The following RBFOX1 variants were observed in gnomAD, a reference collection of about 807,000 sequenced individuals.
The protein encoded by RBFOX1 is RNA binding protein fox-1 homolog 1.
A neutral mutation model predicts 57.7 loss-of-function variants in RBFOX1; 8 were observed. The ratio of observed to expected loss-of-function variants is 0.14; its 90% confidence interval spans 0.08 to 0.25. RBFOX1 has a LOEUF of 0.25. Among genes scored for constraint, RBFOX1 ranks in the 10% least tolerant of loss-of-function variants. RBFOX1 has a pLI of 1.00. For synonymous variants in RBFOX1, 326 were observed against 222.4 expected, an observed-to-expected ratio of 1.47 and a Z score of -4.15; for missense variants, 611 against 548.5, an observed-to-expected ratio of 1.11 and a Z score of -1.14.
intron 4 of RBFOX1, among the ~76,000 whole-genome samples, chr16:7,145,280 C>G (rs1345994589): frequency 6.6e-6 from 1 of 152,180 alleles, no homozygotes; most frequent in African/African-American, 2.4e-5. Context: ...TCTCAGTTCA[C>G]TGCAGCCTCA....
chr16:7,391,024 G>C (rs1342610722), intron 4 of RBFOX1, among the ~76,000 whole-genome samples: 2 of 152,096 alleles, frequency 1.3e-5, no homozygotes, highest in Non-Finnish European at 2.9e-5. Context: ...GTGCTTTTTG[G>C]AGGCTCATTG....
At chr16:5,505,651 A>C (rs1381251466) in intron 2 of RBFOX1, among the ~76,000 whole-genome samples, 1 of 152,168 alleles carries the variant, frequency 6.6e-6, no homozygotes, top group East Asian at 1.9e-4. Context: ...GTCTTATCAC[A>C]TACAGAGTAT....
chr16:5,903,989 A>T (rs972298377), intron 4 of RBFOX1, among the ~76,000 whole-genome samples: 2 of 152,160 alleles, frequency 1.3e-5, no homozygotes, highest in African/African-American at 4.8e-5. Context: ...AATATGAGCT[A>T]ATAGAATGGA....
chr16:5,334,943 C>A (rs2064857884), intron 1 of RBFOX1, among the ~76,000 whole-genome samples: 1 of 152,024 alleles, frequency 6.6e-6, no homozygotes, highest in Admixed American at 6.5e-5. Flanking sequence ...GTTTTGTTCG[C>A]TTGTTTAAAT....
At chr16:5,664,382 T>C (rs995973844) in intron 3 of RBFOX1, among the ~76,000 whole-genome samples, 8 of 152,108 alleles carry the variant, frequency 5.3e-5, no homozygotes, top group African/African-American at 1.9e-4. Context: ...ACACTGTCTC[T>C]ACTAAAAATA....
rs531595223 is a variant in RBFOX1 at position 6,027,860 on chromosome 16, C to T, written c.-127+7868C>T. 7.2e-5 allele frequency among the ~76,000 whole-genome samples: 11 copies of T among 152,276 alleles called. No individual in the cohort carries two copies. The East Asian group carries it at 1.4e-3, about 19-fold the overall frequency. On this transcript the variant is annotated intron_variant, in intron 1 of 15. Coordinates refer to ENST00000550418, the MANE Select transcript of RBFOX1 (RefSeq NM_018723.4). ...AGAACCCAGCGTAGCTGCAAATGTACGGTTGAGATCGTTGACAGACTTGAG... is the reference window on the plus strand; with the variant it reads ...AGAACCCAGCGTAGCTGCAAATGTATGGTTGAGATCGTTGACAGACTTGAG...
intron 4 of RBFOX1, among the ~76,000 whole-genome samples, chr16:7,197,585 G>A (rs13333774): frequency 0.41 from 61,841 of 151,678 alleles, 13,029 homozygotes; most frequent in Non-Finnish European, 0.47. Flanking sequence ...TTTATTTGCA[G>A]TAACATTGAA....
chr16:7,143,342 C>G (rs897516503), intron 4 of RBFOX1, among the ~76,000 whole-genome samples: 1 of 152,060 alleles, frequency 6.6e-6, no homozygotes, highest in African/African-American at 2.4e-5. Flanking sequence ...AGGGAGAGGA[C>G]TGAGCCACTG....
At chr16:7,075,578 T>A (rs928905416) in intron 4 of RBFOX1, among the ~76,000 whole-genome samples, 19 of 151,948 alleles carry the variant, frequency 1.3e-4, no homozygotes, top group African/African-American at 4.1e-4. Flanking sequence ...TTCTTTTTTT[T>A]ATTTATTTTT....
At chr16:6,732,060 GATCT>G (rs2068749032) in intron 3 of RBFOX1, among the ~76,000 whole-genome samples, 1 of 152,134 alleles carries the variant, frequency 6.6e-6, no homozygotes, top group South Asian at 2.1e-4. Flanking sequence ...TATGGCTTGA[GATCT>G]ATCCCTCTTT....
chr16:6,950,393 C>T (rs564166218), intron 3 of RBFOX1, among the ~76,000 whole-genome samples: 5 of 152,190 alleles, frequency 3.3e-5, no homozygotes, highest in African/African-American at 1.2e-4. Flanking sequence ...CCACCCACTA[C>T]CCACTACACC....
rs114353165 is a variant in RBFOX1 at position 6,639,547 on chromosome 16, A to G, written c.-63-15056A>G. ...AACAATAACTATGATAAAATTATAC[A>G]AATACACAATAATAATAAATACACA... On this transcript the variant is annotated intron_variant, in intron 2 of 15. Transcript: ENST00000550418. Among the ~76,000 whole-genome samples the G allele has an allele frequency of 2.0e-3, 311 of 152,332 alleles. 1 individual carries two copies. Among genetic ancestry groups the G allele is most frequent in the African/African-American group, 6.9e-3 (286 of 41,572 alleles).
intron 4 of RBFOX1, among the ~76,000 whole-genome samples, chr16:7,175,525 C>T (rs983617303): frequency 2.0e-5 from 3 of 152,128 alleles, no homozygotes; most frequent in African/African-American, 7.2e-5. Flanking sequence ...AGCCTATGGG[C>T]TGGTTGTGTG....
At chr16:5,839,540 A>T (rs899484646) in intron 3 of RBFOX1, among the ~76,000 whole-genome samples, 1 of 152,198 alleles carries the variant, frequency 6.6e-6, no homozygotes, top group African/African-American at 2.4e-5. Context: ...AAGTGCTCTG[A>T]ACTGCAAACA....
intron 3 of RBFOX1, among the ~76,000 whole-genome samples, chr16:6,677,364 C>T (rs970757464): frequency 3.3e-5 from 5 of 152,140 alleles, no homozygotes; most frequent in African/African-American, 1.2e-4. Context: ...AAACACACAT[C>T]AAGATGTAAA....
intron 3 of RBFOX1, among the ~76,000 whole-genome samples, chr16:6,913,709 G>C (rs2072329156): frequency 6.6e-6 from 1 of 152,188 alleles, no homozygotes; most frequent in Admixed American, 6.5e-5. Flanking sequence ...GCCAGGCTCT[G>C]TCCTCCCCTG....
chr16:5,677,292 A>G (rs1157446530), intron 3 of RBFOX1, among the ~76,000 whole-genome samples: 1 of 152,252 alleles, frequency 6.6e-6, no homozygotes, highest in African/African-American at 2.4e-5. Context: ...TGAGAAGGCA[A>G]GTTTCCAGTG....
chr16:7,465,903 C>A (rs1398639798), intron 4 of RBFOX1, among the ~76,000 whole-genome samples: 1 of 152,180 alleles, frequency 6.6e-6, no homozygotes, highest in Non-Finnish European at 1.5e-5. Flanking sequence ...TGCCCCAAAG[C>A]ATCTCATGGT....
At chr16:5,370,939 C>G (rs537312740) in intron 1 of RBFOX1, among the ~76,000 whole-genome samples, 1 of 152,326 alleles carries the variant, frequency 6.6e-6, no homozygotes, top group African/African-American at 2.4e-5. Flanking sequence ...TGTTGAATCC[C>G]TAACCCGCAG....
Sources: allele counts gnomAD v4.1 joint callset (sites outside exome capture counted in the v4.1 genomes callset), GRCh38; gene constraint gnomAD v4.1.1; transcripts MANE v1.5; gene names NCBI Gene and HGNC (gene_info 2026-07-23, HGNC 2026-07-21).